Variants in MDFIC observed in about 807,000 individuals in gnomAD.
The protein encoded by MDFIC is myoD family inhibitor domain-containing protein.
MDFIC carries 17 observed loss-of-function variants against 23.2 expected under a neutral mutation model. The ratio of observed to expected loss-of-function variants is 0.73; its 90% CI spans 0.50 to 1.10. The LOEUF (loss-of-function observed/expected upper bound fraction) is 1.10, where lower values mean the gene tolerates loss of function less well. MDFIC is among the 50% of genes least tolerant of loss of function. The pLI, the probability that MDFIC is intolerant of heterozygous loss-of-function variation, is 0.00. For synonymous variants in MDFIC, 120 were observed against 115.2 expected (o/e 1.04, Z -0.27); for missense variants, 356 against 316.6 (o/e 1.12, Z -0.95).
At chr7:114,982,213 T>C (rs1314887625) in intron 4 of MDFIC, among the ~76,000 whole-genome samples, 1 of 152,208 alleles carries the variant, frequency 6.6e-6, no homozygotes, top group East Asian at 1.9e-4. Flanking sequence ...GAAACAGTTG[T>C]GGTGAACAGA....
chr7:114,934,927 G>GT (rs544871083), intron 2 of MDFIC, among the ~76,000 whole-genome samples: 45 of 151,592 alleles, frequency 3.0e-4, no homozygotes, highest in Admixed American at 1.1e-3. Flanking sequence ...GGGTTTTTTT[G>GT]TTTTTTTTGT....
intron 3 of MDFIC, among the ~76,000 whole-genome samples, chr7:114,963,046 A>G (rs1313443601): frequency 6.6e-6 from 1 of 152,220 alleles, no homozygotes; most frequent in Non-Finnish European, 1.5e-5. Flanking sequence ...TTACATTTAT[A>G]TACAGTTGAT....
intron 3 of MDFIC, among the ~76,000 whole-genome samples, chr7:114,944,881 C>G (rs1022351508): frequency 1.3e-5 from 2 of 152,184 alleles, no homozygotes; most frequent in African/African-American, 4.8e-5. Flanking sequence ...GTGTGGCTCT[C>G]TGAGCACCGT....
intron 3 of MDFIC, among the ~76,000 whole-genome samples, chr7:114,949,827 G>A (rs963891621): frequency 3.6e-4 from 55 of 152,086 alleles, no homozygotes; most frequent in African/African-American, 1.3e-3. Flanking sequence ...CTTTCCAGTG[G>A]AAGTGTTGTC....
At chr7:114,930,271 G>T (rs1441089283) in intron 2 of MDFIC, among the ~76,000 whole-genome samples, 1 of 152,206 alleles carries the variant, frequency 6.6e-6, no homozygotes, top group Non-Finnish European at 1.5e-5. Context: ...AATGGATTTT[G>T]CAATTAGCAT....
At position 114,923,114 on chromosome 7, in the gene MDFIC, C is replaced by G; in HGVS notation, c.81C>G (p.Gly27=). ...RVAEAGGGQL[G]STAQGKCDKD... ...CCGAGGCGGGCGGCGGCCAGCTGGGCTCCACAGCCCAGGGTGAGTGCGCGC... is the reference window on the plus strand; with the variant it reads ...CCGAGGCGGGCGGCGGCCAGCTGGGGTCCACAGCCCAGGGTGAGTGCGCGC... The change falls in exon 2 of 5, where the codon GGC becomes GGG. Residue 27 remains glycine, a synonymous_variant. Transcript: ENST00000393486. 6.8e-7 allele frequency: 1 copy of G among 1,480,578 alleles called. No individual in the cohort carries two copies. Among genetic ancestry groups the G allele is most frequent in the Non-Finnish European group, 8.9e-7 (1 of 1,119,584 alleles). 91.7% of individuals were successfully genotyped at this position (1,480,578 alleles called of 1,614,324 possible). A position where few individuals can be genotyped will look rare whatever the true frequency, so the allele number is the denominator to read the frequency against.
At chr7:114,987,535 C>T (rs955729549) in intron 4 of MDFIC, among the ~76,000 whole-genome samples, 5 of 152,152 alleles carry the variant, frequency 3.3e-5, no homozygotes, top group Admixed American at 6.5e-5. Flanking sequence ...AGGCGCAGTG[C>T]CTTCCATCCC....
At chr7:114,975,352 T>C (rs1247976325) in intron 3 of MDFIC, among the ~76,000 whole-genome samples, 1 of 152,096 alleles carries the variant, frequency 6.6e-6, no homozygotes, top group African/African-American at 2.4e-5. Context: ...AAGATAGCAG[T>C]GCACTCCCAA....
At chr7:114,967,830 CT>C (rs56343596) in intron 3 of MDFIC, among the ~76,000 whole-genome samples, 103,132 of 118,886 alleles carry the variant, frequency 0.87, 44,137 homozygotes, top group Admixed American at 0.91. Flanking sequence ...TCTTTCTTTT[CT>C]TTTTTTTTTT....
chr7:114,926,226 A>C (rs975861006), intron 2 of MDFIC, among the ~76,000 whole-genome samples: 2 of 152,212 alleles, frequency 1.3e-5, no homozygotes, highest in African/African-American at 4.8e-5. Context: ...GGGATTTGTA[A>C]CTAGAGGGGT....
At chr7:114,930,532 G>A (rs1178697099) in intron 2 of MDFIC, among the ~76,000 whole-genome samples, 3 of 152,178 alleles carry the variant, frequency 2.0e-5, no homozygotes, top group African/African-American at 4.8e-5. Flanking sequence ...ACATGGCTAT[G>A]AGGGAAGCTG....
Position 115,001,017 on chromosome 7 carries a change from C to T in MDFIC, c.494-14671C>T, listed in dbSNP as rs139496780. On this transcript the variant is annotated intron_variant, in intron 4 of 4. Coordinates refer to ENST00000393486, the MANE Select transcript of MDFIC (RefSeq NM_001166345.3). ...AAGCACAGGACTCTGGTAATTTGTA[C>T]AAGCTTTCCTTCCTCCTCTATACTT... Among the ~76,000 whole-genome samples, 716 of 152,244 alleles carry T rather than the reference C, an allele frequency of 4.7e-3. 4 individuals are homozygous for T. The highest frequency in any genetic ancestry group is 0.016 in the African/African-American group (648 of 41,538).
At chr7:114,937,279 A>G (rs1792444080) in intron 2 of MDFIC, among the ~76,000 whole-genome samples, 1 of 152,208 alleles carries the variant, frequency 6.6e-6, no homozygotes, top group Non-Finnish European at 1.5e-5. Flanking sequence ...TAAGATGGAT[A>G]GTCATTTCTG....
intron 4 of MDFIC, among the ~76,000 whole-genome samples, chr7:115,008,800 A>C (rs1046393549): frequency 6.6e-6 from 1 of 152,224 alleles, no homozygotes; most frequent in African/African-American, 2.4e-5. Flanking sequence ...GGATAACCAC[A>C]GCCTGCTTCT....
intron 2 of MDFIC, 103 bp downstream of exon 2, chr7:114,923,230 G>A: frequency 7.1e-7 from 1 of 1,404,314 alleles, no homozygotes; most frequent in South Asian, 1.3e-5. Flanking sequence ...GTGAGGAGGG[G>A]CTCCCACTCG....
chr7:114,960,723 A>T (rs188782322), intron 3 of MDFIC, among the ~76,000 whole-genome samples: 1 of 152,286 alleles, frequency 6.6e-6, no homozygotes, highest in Non-Finnish European at 1.5e-5. Flanking sequence ...AGGAAATAAA[A>T]CATATTTTGT....
intron 2 of MDFIC, 95 bp downstream of exon 2, chr7:114,923,222 G>A (rs1792127337): frequency 1.4e-6 from 2 of 1,442,944 alleles, no homozygotes; most frequent in African/African-American, 1.4e-5. Context: ...GGAGTGCTGT[G>A]AGGAGGGGCT....
intron 2 of MDFIC, among the ~76,000 whole-genome samples, chr7:114,935,883 C>G (rs933748994): frequency 6.6e-6 from 1 of 152,056 alleles, no homozygotes; most frequent in South Asian, 2.1e-4. Flanking sequence ...ATAGAGATCA[C>G]TGAAAGGATA....
chr7:114,935,756 T>C (rs1335995089), intron 2 of MDFIC, among the ~76,000 whole-genome samples: 1 of 152,012 alleles, frequency 6.6e-6, no homozygotes, highest in East Asian at 1.9e-4. Context: ...AAGAAAACTT[T>C]TGGGGGATAT....
Sources: gnomAD v4.1 joint callset for allele counts (sites outside exome capture counted in the v4.1 genomes callset) on GRCh38, gnomAD v4.1.1 for gene constraint, MANE v1.5 for transcripts, NCBI Gene and HGNC (gene_info 2026-07-23, HGNC 2026-07-21) for gene names.